The following RRM1 variants were observed in gnomAD, a reference collection of about 807,000 sequenced individuals.
RRM1 encodes the protein ribonucleotide reductase catalytic subunit M1, also known as ribonucleoside-diphosphate reductase large subunit.
A neutral mutation model predicts 101.5 loss-of-function variants in RRM1; 19 were observed. The ratio of observed to expected loss-of-function variants is 0.19; its 90% CI spans 0.13 to 0.27. The LOEUF (loss-of-function observed/expected upper bound fraction) is 0.27. RRM1 is among the 10% of genes least tolerant of loss of function. RRM1 has a pLI of 1.00. For synonymous variants in RRM1, 298 were observed against 323.4 expected (o/e 0.92, Z 0.84); for missense variants, 500 against 962.9 (o/e 0.52, Z 6.36).
chr11:4,095,083 C>T (rs1287434653), intron 1 of RRM1, 52 bp downstream of exon 1: 3 of 1,547,294 alleles, frequency 1.9e-6, no homozygotes, highest in Admixed American at 2.0e-5. Flanking sequence ...TGCGGGCTGC[C>T]GCCGCCGGAG....
intron 2 of RRM1, among the ~76,000 whole-genome samples, chr11:4,103,031 C>T (rs1024754590): frequency 5.9e-5 from 9 of 152,088 alleles, no homozygotes; most frequent in Non-Finnish European, 8.8e-5. Context: ...CCCATATTTC[C>T]GTCTCCTTAT....
Position 4,138,248 on chromosome 11 carries a change from C to A in RRM1, c.2244C>A (p.Ile748=), listed in dbSNP as rs2133331286. ...YLRTRPAANP[I]QFTLNKEKLK... is the part of the protein sequence containing the mutation. The stretch of plus-strand genomic sequence containing the variant: ...GGACAAGACCAGCGGCTAATCCAAT[C>A]CAGTTCACTCTAAATAAGGAGAAGC... Residue 748 remains isoleucine (I), a synonymous_variant, in exon 19 of 19, where the codon ATC becomes ATA. Coordinates refer to ENST00000300738, the MANE Select transcript of RRM1 (RefSeq NM_001033.5). The A allele has an allele frequency of 6.2e-7, 1 of 1,604,108 alleles. No homozygotes were observed. Among genetic ancestry groups the A allele is most frequent in the Non-Finnish European group, 8.5e-7 (1 of 1,171,256 alleles).
rs1291499304 is a variant in RRM1 at position 4,138,206 on chromosome 11, T to C, written c.2202T>C (p.Thr734=). 1.3e-6 allele frequency: 2 copies of C among 1,566,022 alleles called. No homozygotes were observed. Among genetic ancestry groups the C allele is most frequent in the Non-Finnish European group, 1.8e-6 (2 of 1,142,454 alleles). The stretch of plus-strand genomic sequence containing the variant: ...TACTTTCCTTGTAGGGTTTGAAGAC[T>C]GGGATGTATTATTTAAGGACAAGAC... ...HFYGWKQGLK[T]GMYYLRTRPA... is the part of the protein sequence containing the mutation. The change falls in exon 19 of 19, where the codon ACT becomes ACC. Residue 734 remains threonine, a synonymous_variant. Transcript: ENST00000300738.
intron 8 of RRM1, 90 bp from the exon 9 acceptor site, chr11:4,119,755 T>C: frequency 1.3e-6 from 1 of 775,108 alleles, no homozygotes; most frequent in Non-Finnish European, 2.3e-6. Context: ...ACCTAGAAAT[T>C]AGGCATCTTT....
chr11:4,126,589 A>G (rs1050940904), intron 12 of RRM1, 95 bp from the exon 13 acceptor site: 8 of 1,118,318 alleles, frequency 7.2e-6, no homozygotes, highest in African/African-American at 6.4e-5. Context: ...TTAAAATTTT[A>G]ATGTCTGAGT....
chr11:4,131,910 A>G (rs2094601218), intron 15 of RRM1, among the ~76,000 whole-genome samples: 1 of 152,164 alleles, frequency 6.6e-6, no homozygotes. Context: ...GTAACCTAAT[A>G]CAGGTGGGGA....
At chr11:4,095,166 C>A in intron 1 of RRM1, 135 bp downstream of exon 1, 1 of 1,087,620 alleles carries the variant, frequency 9.2e-7, no homozygotes, top group South Asian at 1.5e-5. Flanking sequence ...GCCTTCCGCC[C>A]TGTCAGCCCG....
chr11:4,103,194 GAT>G (rs1288325544), intron 2 of RRM1, among the ~76,000 whole-genome samples: 3 of 152,166 alleles, frequency 2.0e-5, no homozygotes, highest in African/African-American at 7.2e-5. Context: ...TTATTCTTGT[GAT>G]ATCCTCAGTG....
intron 8 of RRM1, chr11:4,119,342 G>A (rs1333558262): frequency 1.7e-5 from 3 of 174,218 alleles, no homozygotes; most frequent in Admixed American, 1.3e-4. Flanking sequence ...TCTTCTAGTC[G>A]TAGGAGTCTC....
upstream of RRM1, chr11:4,094,727 C>T: frequency 7.4e-6 from 4 of 543,944 alleles, no homozygotes; most frequent in South Asian, 9.3e-5. Flanking sequence ...CTACACGTCG[C>T]CTGTCAGTCT....
At position 4,095,261 on chromosome 11, in the gene RRM1, C is replaced by T. The variant is rs972169100; in HGVS notation, c.19+230C>T. ...CCCCTCGGCTTTGTCATCCTGCCGC[C>T]TTTCAAAAGGATAACACTTACCCCG... On this transcript the variant is annotated intron_variant, in intron 1 of 18. Coordinates refer to ENST00000300738, the MANE Select transcript of RRM1 (RefSeq NM_001033.5). Among the ~76,000 whole-genome samples the T allele has an allele frequency of 4.6e-5, 7 of 152,256 alleles. 1 individual carries two copies. The highest frequency in any genetic ancestry group is 8.8e-5 in the Non-Finnish European group (6 of 68,052).
At chr11:4,102,515 G>A (rs767232899) in intron 2 of RRM1, among the ~76,000 whole-genome samples, 5 of 151,858 alleles carry the variant, frequency 3.3e-5, no homozygotes, top group African/African-American at 1.2e-4. Context: ...AAAATTAGCC[G>A]GGCCTGGTGG....
intron 11 of RRM1, 46 bp from the exon 12 acceptor site, chr11:4,123,136 GT>G (rs752418329): frequency 1.4e-6 from 2 of 1,449,346 alleles, no homozygotes; most frequent in African/African-American, 1.4e-5. Context: ...CTACAATAAA[GT>G]TTTTTTAGGG....
chr11:4,096,467 T>A (rs559139092), intron 1 of RRM1, among the ~76,000 whole-genome samples: 67 of 152,334 alleles, frequency 4.4e-4, no homozygotes, highest in Middle Eastern at 6.8e-3. Context: ...TCCAGATTGG[T>A]TTAACTACAG....
chr11:4,112,512 C>T (rs566326801), intron 7 of RRM1, among the ~76,000 whole-genome samples: 9 of 151,980 alleles, frequency 5.9e-5, no homozygotes, highest in South Asian at 2.1e-4. Flanking sequence ...TACAGGTGCC[C>T]GCCACCACAC....
At chr11:4,107,627 G>T in intron 4 of RRM1, 92 bp downstream of exon 4, 2 of 722,110 alleles carry the variant, frequency 2.8e-6, no homozygotes, top group South Asian at 1.7e-5. Flanking sequence ...AAAAGATACA[G>T]GTAAATACTA....
At chr11:4,097,976 A>G (rs1309821089) in intron 1 of RRM1, among the ~76,000 whole-genome samples, 4 of 152,280 alleles carry the variant, frequency 2.6e-5, no homozygotes, top group African/African-American at 7.2e-5. Flanking sequence ...ATCTTGAGCT[A>G]TTTTTCCTAA....
rs541672044 is a variant in RRM1 at position 4,101,174 on chromosome 11, G to T, written c.20-819G>T. ...CATCAGGGAAAGCCACATTGAGAAG[G>T]TGATGACATTGAGCAAAAGACCTAA... is the stretch of plus-strand genomic sequence containing the variant. On this transcript the variant is annotated intron_variant, in intron 1 of 18. Coordinates refer to ENST00000300738, the MANE Select transcript of RRM1 (RefSeq NM_001033.5). 5.3e-5 allele frequency among the ~76,000 whole-genome samples: 8 copies of T among 152,294 alleles called. No individual in the cohort carries two copies. The East Asian group carries it at 1.3e-3, about 26-fold the overall frequency.
chr11:4,128,003 A>G (rs2094592656), intron 14 of RRM1, among the ~76,000 whole-genome samples: 1 of 152,118 alleles, frequency 6.6e-6, no homozygotes. Flanking sequence ...GGTTGTTGGC[A>G]GAATATATTT....
Sources: allele counts gnomAD v4.1 joint callset (sites outside exome capture counted in the v4.1 genomes callset), GRCh38; gene constraint gnomAD v4.1.1; transcripts MANE v1.5; gene names NCBI Gene and HGNC (gene_info 2026-07-23, HGNC 2026-07-21).